PDE4D: variants seen among roughly 807,000 people sequenced by gnomAD.
PDE4D encodes 3',5'-cyclic-AMP phosphodiesterase 4D.
In PDE4D, 24 loss-of-function variants were observed where a neutral mutation model predicts 87.4. The observed-to-expected ratio is 0.27, with a 90% CI of 0.20 to 0.39. The LOEUF (loss-of-function observed/expected upper bound fraction) is 0.39. Among genes scored for constraint, PDE4D ranks in the 10% least tolerant of loss-of-function variants. The probability of loss-of-function intolerance (pLI) is 1.00; values close to 1 mark genes in which losing one functional copy is unlikely to be tolerated. For missense variants in PDE4D, 714 were observed against 1,041.0 expected (o/e 0.69, Z 4.32); for synonymous variants, 384 against 383.2 (o/e 1.00, Z -0.02).
chr5:59,488,838 T>A (rs1805656872), intron 1 of PDE4D, among the ~76,000 whole-genome samples: 1 of 152,102 alleles, frequency 6.6e-6, no homozygotes, highest in Admixed American at 6.6e-5. Context: ...AGCTGGTAAG[T>A]AAAATTTTAG....
intron 5 of PDE4D, chr5:59,179,602 A>G (rs927107534): frequency 5.6e-5 from 23 of 414,150 alleles, no homozygotes; most frequent in African/African-American, 4.2e-4. Flanking sequence ...TCCAGAATCA[A>G]CTCTAATGTG....
chr5:59,943,860 T>A (rs917124220), intron 3 of PDE4D, among the ~76,000 whole-genome samples: 1 of 152,172 alleles, frequency 6.6e-6, no homozygotes, highest in Non-Finnish European at 1.5e-5. Flanking sequence ...ACAATAACCG[T>A]GCAGTTAGAG....
At chr5:59,088,076 T>G (rs1768034643) in intron 5 of PDE4D, among the ~76,000 whole-genome samples, 1 of 151,576 alleles carries the variant, frequency 6.6e-6, no homozygotes, top group South Asian at 2.1e-4. Flanking sequence ...ACATGTTTGT[T>G]AAATAGATGG....
chr5:59,222,011 G>T (rs950487062), intron 1 of PDE4D, among the ~76,000 whole-genome samples: 1 of 152,200 alleles, frequency 6.6e-6, no homozygotes, highest in Non-Finnish European at 1.5e-5. Context: ...GCATTCAGAA[G>T]TGTTAAAGAA....
At chr5:60,012,971 T>G (rs1437374697) in intron 2 of PDE4D, among the ~76,000 whole-genome samples, 1 of 152,160 alleles carries the variant, frequency 6.6e-6, no homozygotes, top group Non-Finnish European at 1.5e-5. Context: ...ACTACCAAAT[T>G]TTTCTCTTGC....
rs778830029 is a variant in PDE4D at position 59,685,104 on chromosome 5, T to C, written c.455+208064A>G. 1.3e-5 allele frequency among the ~76,000 whole-genome samples: 2 copies of C among 152,328 alleles called. 1 individual carries two copies. The highest frequency in any genetic ancestry group is 4.1e-4 in the South Asian group (2 of 4,824). ...AGGGAATTAAAGCTGATGAAGCAAATTGGGACTTTGTTACTGAGAACAACA... is the reference window on the plus strand; with the variant it reads ...AGGGAATTAAAGCTGATGAAGCAAACTGGGACTTTGTTACTGAGAACAACA... On this transcript the variant is annotated intron_variant, in intron 1 of 14. Transcript: ENST00000340635.
chr5:60,031,930 G>T (rs1767287181), intron 2 of PDE4D, among the ~76,000 whole-genome samples: 1 of 152,090 alleles, frequency 6.6e-6, no homozygotes, highest in African/African-American at 2.4e-5. Context: ...CAAATTACAA[G>T]AATAATTAAA....
intron 1 of PDE4D, among the ~76,000 whole-genome samples, chr5:60,226,229 T>C (rs188520731): frequency 4.5e-4 from 68 of 152,244 alleles, no homozygotes; most frequent in African/African-American, 1.5e-3. Context: ...AAAAGGGTTC[T>C]TTAAAGTGAC....
chr5:59,648,572 T>C (rs1742854081), intron 1 of PDE4D, among the ~76,000 whole-genome samples: 1 of 152,116 alleles, frequency 6.6e-6, no homozygotes, highest in Admixed American at 6.5e-5. Flanking sequence ...ACACACTAAC[T>C]GATAGGTTGT....
intron 1 of PDE4D, among the ~76,000 whole-genome samples, chr5:59,835,754 T>C (rs1741922783): frequency 6.6e-6 from 1 of 152,082 alleles, no homozygotes; most frequent in Admixed American, 6.6e-5. Flanking sequence ...AGTGTGATTA[T>C]CTGGTAGAGT....
chr5:60,049,360 T>C (rs1220496835), intron 2 of PDE4D, among the ~76,000 whole-genome samples: 2 of 152,244 alleles, frequency 1.3e-5, no homozygotes, highest in East Asian at 3.8e-4. Context: ...CCTTCTTCTC[T>C]CAGCTCATCA....
chr5:59,686,842 C>A (rs999269760), intron 1 of PDE4D, among the ~76,000 whole-genome samples: 2 of 152,088 alleles, frequency 1.3e-5, no homozygotes, highest in East Asian at 3.8e-4. Context: ...GACCAAATGA[C>A]TGGGGAGTTA....
At chr5:59,861,297 T>C (rs1022808167) in intron 1 of PDE4D, among the ~76,000 whole-genome samples, 1 of 152,334 alleles carries the variant, frequency 6.6e-6, no homozygotes, top group South Asian at 2.1e-4. Flanking sequence ...CCTAATTTTT[T>C]TTAACTCCAG....
chr5:60,258,276 G>A (rs1749305675), intron 1 of PDE4D, among the ~76,000 whole-genome samples: 1 of 151,878 alleles, frequency 6.6e-6, no homozygotes, highest in African/African-American at 2.4e-5. Context: ...ATGGAATGAA[G>A]CATTCATACA....
At chr5:59,497,789 A>T (rs1301581588) in intron 1 of PDE4D, among the ~76,000 whole-genome samples, 4 of 152,206 alleles carry the variant, frequency 2.6e-5, no homozygotes, top group Non-Finnish European at 4.4e-5. Context: ...ATCTTGCCAG[A>T]GAAGTCAACA....
intron 2 of PDE4D, among the ~76,000 whole-genome samples, chr5:60,072,457 G>A (rs1290572104): frequency 6.6e-6 from 1 of 152,116 alleles, no homozygotes; most frequent in Non-Finnish European, 1.5e-5. Context: ...TCTGTAGGTT[G>A]TCTATTTTCT....
chr5:59,991,706 T>C (rs530772587), intron 2 of PDE4D, among the ~76,000 whole-genome samples: 1 of 152,280 alleles, frequency 6.6e-6, no homozygotes, highest in South Asian at 2.1e-4. Context: ...AGAAAGCATA[T>C]GCACTTGGAA....
At chr5:59,080,008 C>T (rs1056920179) in intron 5 of PDE4D, among the ~76,000 whole-genome samples, 7 of 152,044 alleles carry the variant, frequency 4.6e-5, no homozygotes, top group African/African-American at 1.7e-4. Flanking sequence ...CAACTTAAAA[C>T]TCAGCTGAAG....
chr5:59,074,057 G>T (rs549664433), intron 5 of PDE4D, among the ~76,000 whole-genome samples: 18 of 152,160 alleles, frequency 1.2e-4, no homozygotes, highest in African/African-American at 4.3e-4. Context: ...TATTATTTAA[G>T]CTATTTTAAA....
Sources: allele counts gnomAD v4.1 joint callset (sites outside exome capture counted in the v4.1 genomes callset), GRCh38; gene constraint gnomAD v4.1.1; transcripts MANE v1.5; gene names NCBI Gene and HGNC (gene_info 2026-07-23, HGNC 2026-07-21).